Variants in DLG2 observed in about 807,000 individuals in gnomAD.
The protein encoded by DLG2 is discs large MAGUK scaffold protein 2.
A neutral mutation model predicts 132.5 loss-of-function variants in DLG2; 45 were observed. The observed-to-expected ratio is 0.34, with a 90% CI of 0.27 to 0.44. DLG2 has a LOEUF of 0.44. Among genes scored for constraint, DLG2 ranks in the 20% least tolerant of loss-of-function variants. DLG2 has a pLI of 1.00. For synonymous variants in DLG2, 424 were observed against 419.6 expected (o/e 1.01, Z -0.13); for missense variants, 1,045 against 1,196.9 (o/e 0.87, Z 1.87).
At chr11:85,599,701 C>T (rs1286513111) in intron 2 of DLG2, among the ~76,000 whole-genome samples, 1 of 152,210 alleles carries the variant, frequency 6.6e-6, no homozygotes, top group African/African-American at 2.4e-5. Flanking sequence ...CTCAAATGCT[C>T]TCTCTTCCAT....
At chr11:84,973,879 C>A (rs1369733005) in intron 6 of DLG2, among the ~76,000 whole-genome samples, 1 of 152,116 alleles carries the variant, frequency 6.6e-6, no homozygotes, top group African/African-American at 2.4e-5. Context: ...TTTCATGTGT[C>A]ATGAAATATC....
chr11:85,311,487 C>T (rs571385697), intron 3 of DLG2, among the ~76,000 whole-genome samples: 52 of 152,118 alleles, frequency 3.4e-4, no homozygotes, highest in Non-Finnish European at 6.2e-4. Context: ...TCCTATAATA[C>T]TTCCAAAAAT....
At chr11:83,829,954 T>C (rs1055489610) in intron 17 of DLG2, among the ~76,000 whole-genome samples, 2 of 152,094 alleles carry the variant, frequency 1.3e-5, no homozygotes, top group Admixed American at 1.3e-4. Flanking sequence ...TGTCCAAGTG[T>C]TCTCATTGTT....
At chr11:85,022,291 C>CA (rs79615926) in intron 6 of DLG2, among the ~76,000 whole-genome samples, 23,824 of 151,618 alleles carry the variant, frequency 0.16, 2,046 homozygotes, top group East Asian at 0.3. Context: ...ACTTAGAGCA[C>CA]AAAAAACTGG....
At position 84,373,434 on chromosome 11, in the gene DLG2, A is replaced by G. The variant is rs1170261915; in HGVS notation, c.520-122143T>C. On this transcript the variant is annotated intron_variant, in intron 7 of 27. Transcript: ENST00000376104. ...AAAATAGAAAAATTAGCCGGGCATG[A>G]TGGCACGTGCCTGGAATCCCAGCTA... Among the ~76,000 whole-genome samples the G allele has an allele frequency of 7.3e-5, 11 of 151,706 alleles. No homozygotes were observed. The East Asian group carries it at 2.1e-3, about 30-fold the overall frequency.
intron 3 of DLG2, among the ~76,000 whole-genome samples, chr11:85,385,961 A>G (rs1312103607): frequency 1.3e-5 from 2 of 152,208 alleles, no homozygotes; most frequent in Non-Finnish European, 2.9e-5. Flanking sequence ...TTAGTTGACG[A>G]TTCCCTGAGA....
At chr11:83,935,005 A>G (rs897326270) in intron 14 of DLG2, among the ~76,000 whole-genome samples, 1 of 152,198 alleles carries the variant, frequency 6.6e-6, no homozygotes, top group Non-Finnish European at 1.5e-5. Flanking sequence ...AAATTTCTTC[A>G]TCATATAGAC....
intron 21 of DLG2, among the ~76,000 whole-genome samples, chr11:83,523,714 G>A (rs1210806563): frequency 6.6e-6 from 1 of 152,196 alleles, no homozygotes; most frequent in Non-Finnish European, 1.5e-5. Context: ...TAAATGAGAT[G>A]CAATGGTTCT....
intron 3 of DLG2, chr11:85,286,160 C>T: frequency 2.3e-6 from 1 of 438,720 alleles, no homozygotes; most frequent in Non-Finnish European, 4.5e-6. Context: ...ACAAAAGCAT[C>T]ATACTCTAGT....
intron 3 of DLG2, among the ~76,000 whole-genome samples, chr11:85,350,204 C>T (rs904160368): frequency 7.2e-5 from 11 of 152,152 alleles, no homozygotes; most frequent in Non-Finnish European, 8.8e-5. Flanking sequence ...GCTACATAGA[C>T]GTCTTCTTTT....
At chr11:84,684,844 C>G (rs889271127) in intron 6 of DLG2, among the ~76,000 whole-genome samples, 7 of 152,150 alleles carry the variant, frequency 4.6e-5, no homozygotes, top group African/African-American at 1.7e-4. Flanking sequence ...CTTGCTTCCA[C>G]TTAACGTAAT....
chr11:84,823,581 CCACACACACACACACACACACACACACA>C, intron 6 of DLG2, among the ~76,000 whole-genome samples: 1 of 134,496 alleles, frequency 7.4e-6, no homozygotes, highest in South Asian at 2.7e-4. Flanking sequence ...GGTTGTATAT[CCACACACACACACACACACACACACACA>C]CACACACACA....
chr11:84,823,130 C>T (rs1327247841), intron 6 of DLG2, among the ~76,000 whole-genome samples: 1 of 151,754 alleles, frequency 6.6e-6, no homozygotes, highest in African/African-American at 2.4e-5. Context: ...TCAATAAACA[C>T]TCATCAAATA....
At chr11:84,500,178 C>A (rs181361351) in intron 7 of DLG2, among the ~76,000 whole-genome samples, 1 of 151,826 alleles carries the variant, frequency 6.6e-6, no homozygotes, top group Admixed American at 6.6e-5. Flanking sequence ...TGGAAAGGTA[C>A]CATTAGACAG....
chr11:84,983,198 A>C (rs1166926113), intron 6 of DLG2, among the ~76,000 whole-genome samples: 1 of 152,178 alleles, frequency 6.6e-6, no homozygotes, highest in Non-Finnish European at 1.5e-5. Flanking sequence ...TAGGAAAGCC[A>C]AGAGAACCCA....
At chr11:85,005,155 T>C (rs1415469944) in intron 6 of DLG2, among the ~76,000 whole-genome samples, 2 of 152,228 alleles carry the variant, frequency 1.3e-5, no homozygotes, top group Admixed American at 6.5e-5. Flanking sequence ...TGAAGTCAAA[T>C]AGCGTGATGA....
chr11:83,563,987 AT>A (rs138857603), intron 19 of DLG2, among the ~76,000 whole-genome samples: 2 of 152,052 alleles, frequency 1.3e-5, no homozygotes, highest in African/African-American at 4.8e-5. Context: ...GTTTTGATTT[AT>A]TTTTTATCAA....
chr11:83,728,715 C>T (rs1485685530), intron 18 of DLG2, among the ~76,000 whole-genome samples: 1 of 152,230 alleles, frequency 6.6e-6, no homozygotes, highest in African/African-American at 2.4e-5. Flanking sequence ...CATTCTTCCC[C>T]TGCTTTCAGC....
chr11:85,052,847 GA>G (rs1260653431), intron 6 of DLG2, among the ~76,000 whole-genome samples: 2 of 152,110 alleles, frequency 1.3e-5, no homozygotes, highest in African/African-American at 4.8e-5. Context: ...CAGGAAAATG[GA>G]AATTCTTCAG....
Sources: gnomAD v4.1 joint callset for allele counts (sites outside exome capture counted in the v4.1 genomes callset) on GRCh38, gnomAD v4.1.1 for gene constraint, MANE v1.5 for transcripts, NCBI Gene and HGNC (gene_info 2026-07-23, HGNC 2026-07-21) for gene names.